The following HIVEP3 variants were observed in gnomAD, a reference collection of about 807,000 sequenced individuals.
HIVEP3 encodes the protein transcription factor HIVEP3.
HIVEP3 carries 49 observed loss-of-function variants against 152.8 expected under a neutral mutation model. The ratio of observed to expected loss-of-function variants is 0.32; its 90% CI spans 0.26 to 0.41. HIVEP3 has a LOEUF of 0.41. Among genes scored for constraint, HIVEP3 ranks in the 10% least tolerant of loss-of-function variants. HIVEP3 has a pLI of 1.00. For missense variants in HIVEP3, 2,790 were observed against 3,103.3 expected, an observed-to-expected ratio of 0.90 and a Z score of 2.40; for synonymous variants, 1,269 against 1,289.0, an observed-to-expected ratio of 0.98 and a Z score of 0.33.
At chr1:41,532,983 G>A (rs1345354929) in intron 5 of HIVEP3, among the ~76,000 whole-genome samples, 1 of 152,158 alleles carries the variant, frequency 6.6e-6, no homozygotes, top group South Asian at 2.1e-4. Flanking sequence ...CAGAGAAGCA[G>A]GAAACTGGGA....
At chr1:41,554,105 T>C (rs1029416563) in intron 5 of HIVEP3, among the ~76,000 whole-genome samples, 1 of 152,254 alleles carries the variant, frequency 6.6e-6, no homozygotes, top group Non-Finnish European at 1.5e-5. Context: ...CCAACTTGTT[T>C]CCATTCTCCC....
intron 1 of HIVEP3, among the ~76,000 whole-genome samples, chr1:41,773,826 A>G (rs987478605): frequency 1.3e-5 from 2 of 152,246 alleles, no homozygotes; most frequent in Admixed American, 6.5e-5. Context: ...GCTTTTAGTC[A>G]GTTAAATAGA....
At chr1:41,562,347 G>C (rs1004560520) in intron 5 of HIVEP3, among the ~76,000 whole-genome samples, 1 of 152,226 alleles carries the variant, frequency 6.6e-6, no homozygotes, top group African/African-American at 2.4e-5. Context: ...GGGTCTGGGG[G>C]TGGGGCTGAG....
intron 3 of HIVEP3, among the ~76,000 whole-genome samples, chr1:41,590,080 A>G (rs1335628569): frequency 6.6e-6 from 1 of 152,192 alleles, no homozygotes; most frequent in African/African-American, 2.4e-5. Context: ...TGTGTGTTTA[A>G]GCTGGAGCAG....
At chr1:41,893,133 A>C (rs113158447) in intron 1 of HIVEP3, among the ~76,000 whole-genome samples, 5,167 of 151,506 alleles carry the variant, frequency 0.034, 294 homozygotes, top group African/African-American at 0.12. Context: ...AAAAAAAAAA[A>C]AAAAAAAAAC....
intron 1 of HIVEP3, among the ~76,000 whole-genome samples, chr1:41,960,083 G>C (rs1275690852): frequency 2.0e-5 from 3 of 152,178 alleles, no homozygotes; most frequent in Non-Finnish European, 4.4e-5. Flanking sequence ...ACAACAGCCT[G>C]ATAAGGGAAT....
At chr1:41,948,132 T>C (rs2124489494) in intron 1 of HIVEP3, among the ~76,000 whole-genome samples, 1 of 152,322 alleles carries the variant, frequency 6.6e-6, no homozygotes, top group East Asian at 1.9e-4. Context: ...CAACCTCAAC[T>C]TGTATACTGA....
At chr1:41,687,866 C>A (rs1413595044) in intron 2 of HIVEP3, among the ~76,000 whole-genome samples, 2 of 152,216 alleles carry the variant, frequency 1.3e-5, no homozygotes, top group Admixed American at 6.5e-5. Flanking sequence ...AGAAAATGAA[C>A]ATGAGATATG....
chr1:41,571,074 A>T (rs1178593873), intron 5 of HIVEP3, among the ~76,000 whole-genome samples: 1 of 152,040 alleles, frequency 6.6e-6, no homozygotes, highest in East Asian at 1.9e-4. Flanking sequence ...ATGCCCTCCC[A>T]TAGGAGGTGC....
In HIVEP3 at chr1:41,651,398, C is replaced by T. The variant is rs577120407; in HGVS notation, c.-720-22451G>A. 1.2e-4 allele frequency among the ~76,000 whole-genome samples: 15 copies of T among 120,120 alleles called. No homozygotes were observed. The South Asian group carries it at 2.9e-3, about 23-fold the overall frequency. 78.8% of individuals were successfully genotyped at this position (120,120 alleles called of 152,430 possible). Reference sequence around the variant, plus strand: ...TGCACTCCGGCCTGGGCAACAAGAGCGAAACTCCATCTCAAAAAAAAAAAA... The same window carrying T: ...TGCACTCCGGCCTGGGCAACAAGAGTGAAACTCCATCTCAAAAAAAAAAAA... On this transcript the variant is annotated intron_variant, in intron 2 of 8. Coordinates refer to ENST00000372583, the MANE Select transcript of HIVEP3 (RefSeq NM_024503.5).
At chr1:41,955,020 AG>A (rs1645132863) in intron 1 of HIVEP3, among the ~76,000 whole-genome samples, 1 of 142,820 alleles carries the variant, frequency 7.0e-6, no homozygotes, top group African/African-American at 2.6e-5. Context: ...GAGGCTGGGG[AG>A]GCTGAATTGA....
At chr1:41,524,622 G>A in intron 6 of HIVEP3, 113 bp downstream of exon 6, 1 of 982,476 alleles carries the variant, frequency 1.0e-6, no homozygotes, top group Non-Finnish European at 1.6e-6. Context: ...AGGAAATGGG[G>A]CTGCTCCAGG....
At chr1:41,707,233 C>T (rs1388790538) in intron 1 of HIVEP3, among the ~76,000 whole-genome samples, 2 of 152,230 alleles carry the variant, frequency 1.3e-5, no homozygotes, top group African/African-American at 2.4e-5. Context: ...AGGGCACCTG[C>T]TGCATCCCTG....
intron 1 of HIVEP3, among the ~76,000 whole-genome samples, chr1:41,916,547 G>A (rs946886892): frequency 1.3e-5 from 2 of 152,170 alleles, no homozygotes; most frequent in African/African-American, 2.4e-5. Flanking sequence ...CCTCCTGCCT[G>A]CAGGTGTCTT....
chr1:41,763,556 T>C (rs904409643), intron 1 of HIVEP3, among the ~76,000 whole-genome samples: 12 of 152,352 alleles, frequency 7.9e-5, no homozygotes, highest in Middle Eastern at 3.4e-3. Flanking sequence ...CTCCAAAGTA[T>C]AGTATACACC....
intron 1 of HIVEP3, among the ~76,000 whole-genome samples, chr1:41,821,543 T>C (rs1642602398): frequency 2.0e-5 from 3 of 152,142 alleles, no homozygotes; most frequent in South Asian, 2.1e-4. Context: ...GCCCCAAACA[T>C]ACTATAAGTT....
intron 6 of HIVEP3, among the ~76,000 whole-genome samples, chr1:41,518,816 G>C (rs1642680101): frequency 7.8e-6 from 1 of 128,992 alleles, no homozygotes; most frequent in Non-Finnish European, 1.8e-5. Context: ...AAGTGCAATA[G>C]GTTTTTTTTT....
At chr1:41,647,971 T>C (rs969040763) in intron 2 of HIVEP3, among the ~76,000 whole-genome samples, 1 of 152,180 alleles carries the variant, frequency 6.6e-6, no homozygotes, top group African/African-American at 2.4e-5. Context: ...GCCCAGTCCT[T>C]GCTACTGGTG....
In HIVEP3 at chr1:41,582,899, C is replaced by T. The variant is rs1259335859; in HGVS notation, c.1899G>A (p.Lys633=). Residue 633 remains lysine, a synonymous_variant, in exon 4 of 9, where the codon AAG becomes AAA. Coordinates refer to ENST00000372583, the MANE Select transcript of HIVEP3 (RefSeq NM_024503.5). The surrounding 1 kb of genome is among the most constrained non-coding windows in gnomAD (Gnocchi z 4.7). ...TCACCCCTTTTGTTTTCAAACCCTT[C>T]TTGGTCTTTTTGGTAAGCTCGCTTT... ...PKESELTKKT[K]KGLKTKGVIY... is the part of the protein sequence containing the mutation. The T allele has an allele frequency of 1.2e-6, 2 of 1,614,154 alleles. No individual in the cohort carries two copies. The highest frequency in any genetic ancestry group is 1.3e-5 in the African/African-American group (1 of 75,022).
Sources: gnomAD v4.1 joint callset for allele counts (sites outside exome capture counted in the v4.1 genomes callset) on GRCh38, gnomAD v4.1.1 for gene constraint, Gnocchi (gnomAD v3.1) non-coding constraint, MANE v1.5 for transcripts, NCBI Gene and HGNC (gene_info 2026-07-23, HGNC 2026-07-21) for gene names.